The following ASTN2 variants were observed in gnomAD, a reference collection of about 807,000 sequenced individuals.
ASTN2 encodes astrotactin-2.
In ASTN2, 54 loss-of-function variants were observed where a neutral mutation model predicts 139.8. The ratio of observed to expected loss-of-function variants is 0.39; its 90% confidence interval spans 0.31 to 0.48. The LOEUF (loss-of-function observed/expected upper bound fraction) is 0.48, where lower values mean the gene tolerates loss of function less well. Ranked by LOEUF, ASTN2 falls within the 20% of genes least tolerant of loss-of-function variation. ASTN2 has a pLI of 0.95. For missense variants in ASTN2, 1,565 were observed against 1,725.1 expected (o/e 0.91, Z 1.64); for synonymous variants, 756 against 719.5 (o/e 1.05, Z -0.81).
At chr9:116,651,411 C>T (rs1463240421) in intron 17 of ASTN2, 117 bp downstream of exon 17, 4 of 1,201,140 alleles carry the variant, frequency 3.3e-6, no homozygotes, top group Admixed American at 2.4e-5. Flanking sequence ...TAGTAATCAC[C>T]ATGATGATGA....
intron 10 of ASTN2, among the ~76,000 whole-genome samples, chr9:116,967,271 G>A (rs1836039006): frequency 2.0e-5 from 3 of 152,180 alleles, no homozygotes; most frequent in Admixed American, 6.5e-5. Flanking sequence ...AGGAAACTGA[G>A]GCTCACAAAG....
intron 2 of ASTN2, among the ~76,000 whole-genome samples, chr9:117,279,931 A>G (rs1409767277): frequency 6.6e-6 from 1 of 152,100 alleles, no homozygotes; most frequent in Non-Finnish European, 1.5e-5. Context: ...TGTCTCTCAT[A>G]AGGACTAATT....
At chr9:116,430,266 G>C (rs892687595) in intron 22 of ASTN2, among the ~76,000 whole-genome samples, 1 of 152,204 alleles carries the variant, frequency 6.6e-6, no homozygotes, top group African/African-American at 2.4e-5. Flanking sequence ...TTTGGAGTGA[G>C]AAAGTGATTT....
chr9:117,280,520 T>A (rs536310242), intron 2 of ASTN2, among the ~76,000 whole-genome samples: 65 of 152,242 alleles, frequency 4.3e-4, no homozygotes, highest in African/African-American at 1.5e-3. Context: ...CAGGAGAATG[T>A]AGTATGGAGG....
intron 1 of ASTN2, among the ~76,000 whole-genome samples, chr9:117,366,050 T>C (rs1481278845): frequency 6.6e-6 from 1 of 152,178 alleles, no homozygotes; most frequent in African/African-American, 2.4e-5. Context: ...TCGTTTCCCC[T>C]TGTAAACTCC....
At chr9:116,973,969 A>G (rs1372506607) in intron 10 of ASTN2, among the ~76,000 whole-genome samples, 4 of 152,228 alleles carry the variant, frequency 2.6e-5, no homozygotes, top group Non-Finnish European at 5.9e-5. Context: ...GTTGGGTTCT[A>G]GGAGCTTTCT....
intron 1 of ASTN2, among the ~76,000 whole-genome samples, chr9:117,343,535 A>G (rs1170233065): frequency 6.6e-6 from 1 of 152,184 alleles, no homozygotes; most frequent in Non-Finnish European, 1.5e-5. Context: ...TGTGATAACT[A>G]ACACTTTCCA....
chr9:116,527,824 C>T (rs1851160082), intron 19 of ASTN2, among the ~76,000 whole-genome samples: 1 of 152,104 alleles, frequency 6.6e-6, no homozygotes, highest in Admixed American at 6.6e-5. Context: ...GTGGCACTTC[C>T]CACCCCCCTC....
intron 20 of ASTN2, among the ~76,000 whole-genome samples, chr9:116,481,237 G>A (rs1409678570): frequency 6.6e-6 from 1 of 152,126 alleles, no homozygotes; most frequent in Non-Finnish European, 1.5e-5. Context: ...AAAATTAGCT[G>A]GACATGATGG....
chr9:117,199,424 A>T (rs1005993007), intron 3 of ASTN2, among the ~76,000 whole-genome samples: 1 of 152,110 alleles, frequency 6.6e-6, no homozygotes, highest in Non-Finnish European at 1.5e-5. Context: ...CAAAGATCAG[A>T]TGGTTGTAGA....
intron 1 of ASTN2, among the ~76,000 whole-genome samples, chr9:117,375,987 T>C (rs1830112644): frequency 6.6e-6 from 1 of 152,186 alleles, no homozygotes; most frequent in Non-Finnish European, 1.5e-5. Flanking sequence ...CTAATGCCAC[T>C]GCCTGATTCT....
At chr9:116,687,236 C>T (rs1860286521) in intron 16 of ASTN2, 1 of 999,512 alleles carries the variant, frequency 1.0e-6, no homozygotes, top group South Asian at 4.4e-5. Context: ...ACGACAAGCC[C>T]CAGCATGCTG....
Position 116,791,905 on chromosome 9 carries a change from A to G in ASTN2, c.2396+13727T>C, listed in dbSNP as rs147139457. 2.9e-4 allele frequency among the ~76,000 whole-genome samples: 44 copies of G among 152,346 alleles called. No homozygotes were observed. The South Asian group carries it at 4.4e-3, about 15-fold the overall frequency. On this transcript the variant is annotated intron_variant, in intron 13 of 22. Transcript: ENST00000313400. The stretch of plus-strand genomic sequence containing the variant: ...GGGAAAGCGAGCTGTGAAGACAAGC[A>G]AAATGGATCTTGTTGATTTTGTTGT...
chr9:116,464,390 G>C (rs180918801), intron 20 of ASTN2, among the ~76,000 whole-genome samples: 37 of 150,980 alleles, frequency 2.5e-4, no homozygotes, highest in African/African-American at 8.2e-4. Context: ...GAACACAATA[G>C]CATCATCTCT....
chr9:116,660,249 A>G (rs1372074775), intron 16 of ASTN2, among the ~76,000 whole-genome samples: 4 of 152,168 alleles, frequency 2.6e-5, no homozygotes, highest in African/African-American at 9.7e-5. Context: ...TCCAAAAATA[A>G]GAAGACAGAA....
At chr9:116,659,883 ATTAAACT>A (rs983374511) in intron 16 of ASTN2, among the ~76,000 whole-genome samples, 8 of 152,190 alleles carry the variant, frequency 5.3e-5, no homozygotes, top group Non-Finnish European at 1.5e-5. Context: ...GAAAGGCTCT[ATTAAACT>A]TAGACTAACT....
intron 5 of ASTN2, among the ~76,000 whole-genome samples, chr9:117,051,357 C>A (rs935504818): frequency 1.3e-5 from 2 of 152,024 alleles, no homozygotes; most frequent in Non-Finnish European, 2.9e-5. Flanking sequence ...CCTAGTTTTG[C>A]AAATCAAAAA....
intron 16 of ASTN2, among the ~76,000 whole-genome samples, chr9:116,710,349 A>G (rs1303900052): frequency 6.6e-6 from 1 of 152,144 alleles, no homozygotes; most frequent in Admixed American, 6.5e-5. Context: ...ATCTGAAGCA[A>G]ATGTTGGGTG....
chr9:116,651,542 T>C lies in ASTN2; in HGVS notation c.3058A>G (p.Asn1020Asp). ...VVPLYTLIQD[N>D]GTKEAFKSAL... The stretch of plus-strand genomic sequence containing the variant: ...GGGGAGCTCACCTCCTTTGTGCCAT[T>C]GTCTTGGATGAGGGTATAAAGTGGC... Residue 1020 changes from asparagine (N) to aspartate (D), a missense_variant, in exon 17 of 23, where the codon AAT becomes GAT. Transcript: ENST00000313400. 6.2e-7 allele frequency: 1 copy of C among 1,613,670 alleles called. No homozygotes were observed. Among genetic ancestry groups the C allele is most frequent in the Non-Finnish European group, 8.5e-7 (1 of 1,179,646 alleles).
Sources: gnomAD v4.1 joint callset for allele counts (sites outside exome capture counted in the v4.1 genomes callset) on GRCh38, gnomAD v4.1.1 for gene constraint, MANE v1.5 for transcripts, NCBI Gene and HGNC (gene_info 2026-07-23, HGNC 2026-07-21) for gene names.